The following MLLT10 variants were observed in gnomAD, a reference collection of about 807,000 sequenced individuals.
MLLT10 encodes the protein protein AF-10.
Under a neutral mutation model 129.1 loss-of-function variants are expected in MLLT10, and 30 were observed. That is an observed-to-expected ratio of 0.23 (90% CI 0.17 to 0.32). The LOEUF (loss-of-function observed/expected upper bound fraction) is 0.32. Ranked by LOEUF, MLLT10 falls within the 10% of genes least tolerant of loss-of-function variation. The probability of loss-of-function intolerance (pLI) is 1.00; values close to 1 mark genes in which losing one functional copy is unlikely to be tolerated. For missense variants in MLLT10, 1,119 were observed against 1,268.3 expected, an observed-to-expected ratio of 0.88 and a Z score of 1.79; for synonymous variants, 490 against 446.4, an observed-to-expected ratio of 1.10 and a Z score of -1.23.
At chr10:21,548,837 A>G (rs889994528) in intron 3 of MLLT10, among the ~76,000 whole-genome samples, 21 of 152,034 alleles carry the variant, frequency 1.4e-4, no homozygotes, top group African/African-American at 5.1e-4. Flanking sequence ...TTATTGTTTG[A>G]AGAATTATAT....
At chr10:21,662,268 G>A (rs1206001966) in intron 9 of MLLT10, among the ~76,000 whole-genome samples, 1 of 152,048 alleles carries the variant, frequency 6.6e-6, no homozygotes, top group African/African-American at 2.4e-5. Flanking sequence ...CCATTTATTC[G>A]AGGGGAAGTT....
At chr10:21,542,013 A>C (rs1254693126) in intron 3 of MLLT10, among the ~76,000 whole-genome samples, 2 of 152,082 alleles carry the variant, frequency 1.3e-5, no homozygotes, top group South Asian at 4.1e-4. Flanking sequence ...TTTGTGGTGA[A>C]TAGGTCACTA....
intron 8 of MLLT10, among the ~76,000 whole-genome samples, chr10:21,634,210 G>C (rs749589530): frequency 1.2e-4 from 18 of 152,160 alleles, no homozygotes; most frequent in Non-Finnish European, 5.9e-5. Context: ...CAGCCTGGGT[G>C]ACACAGCGAG....
intron 13 of MLLT10, among the ~76,000 whole-genome samples, chr10:21,693,585 GAT>G (rs926030335): frequency 4.6e-5 from 7 of 152,070 alleles, no homozygotes; most frequent in Non-Finnish European, 1.0e-4. Context: ...TTATTTTTGT[GAT>G]ATGTCTATGT....
At chr10:21,599,759 G>A (rs529954329) in intron 5 of MLLT10, among the ~76,000 whole-genome samples, 1 of 152,138 alleles carries the variant, frequency 6.6e-6, no homozygotes, top group Admixed American at 6.6e-5. Flanking sequence ...GTAGAGTTGA[G>A]GTTTCATAAT....
chr10:21,696,884 T>C (rs938954700), intron 13 of MLLT10, among the ~76,000 whole-genome samples: 107 of 152,236 alleles, frequency 7.0e-4, no homozygotes, highest in African/African-American at 2.5e-3. Flanking sequence ...AGTGATCTTA[T>C]AAAAACATAA....
chr10:21,680,223 T>A (rs183703346), intron 11 of MLLT10, among the ~76,000 whole-genome samples: 215 of 152,202 alleles, frequency 1.4e-3, no homozygotes, highest in Non-Finnish European at 2.0e-3. Flanking sequence ...TCTTTTCTTT[T>A]TTTTTGAGAC....
At chr10:21,706,572 CTTAG>C (rs1362977727) in intron 13 of MLLT10, among the ~76,000 whole-genome samples, 1 of 152,200 alleles carries the variant, frequency 6.6e-6, no homozygotes, top group Non-Finnish European at 1.5e-5. Context: ...TAATTACTTA[CTTAG>C]TTAAATATTT....
chr10:21,738,759 A>C (rs560105989), intron 21 of MLLT10, among the ~76,000 whole-genome samples: 24 of 152,244 alleles, frequency 1.6e-4, no homozygotes, highest in African/African-American at 5.1e-4. Context: ...AGCTTCCAGG[A>C]TACCACATCA....
intron 5 of MLLT10, among the ~76,000 whole-genome samples, chr10:21,610,984 C>CTTTTTTTT (rs71393913): frequency 1.9e-5 from 2 of 102,884 alleles, no homozygotes; most frequent in Non-Finnish European, 3.9e-5. Flanking sequence ...TCTTTTTTCT[C>CTTTTTTTT]TTTTTTTTTT....
intron 11 of MLLT10, among the ~76,000 whole-genome samples, chr10:21,679,310 G>A (rs182947691): frequency 6.6e-6 from 1 of 152,090 alleles, no homozygotes; most frequent in South Asian, 2.1e-4. Context: ...TTAGGCACGA[G>A]GTCTTTTGAA....
intron 8 of MLLT10, among the ~76,000 whole-genome samples, chr10:21,647,656 G>C (rs1303522213): frequency 6.6e-6 from 1 of 151,906 alleles, no homozygotes; most frequent in African/African-American, 2.4e-5. Flanking sequence ...TTTAATACTT[G>C]GGTTGCATGT....
intron 9 of MLLT10, among the ~76,000 whole-genome samples, chr10:21,659,685 A>G (rs1361530079): frequency 6.6e-6 from 1 of 151,674 alleles, no homozygotes. Flanking sequence ...TGATTCTTGT[A>G]TTTTTAGTAG....
intron 14 of MLLT10, among the ~76,000 whole-genome samples, chr10:21,714,937 C>T (rs1366427920): frequency 6.6e-6 from 1 of 152,108 alleles, no homozygotes; most frequent in Non-Finnish European, 1.5e-5. Flanking sequence ...CACCCCCCTT[C>T]CCCAAAGATA....
chr10:21,625,132 T>C (rs1489550611), intron 8 of MLLT10: 2 of 1,048,316 alleles, frequency 1.9e-6, no homozygotes, highest in African/African-American at 3.1e-5. Flanking sequence ...CAACCTCTAA[T>C]CGGAAGCGGC....
At chr10:21,725,802 G>C (rs889154939) in intron 14 of MLLT10, among the ~76,000 whole-genome samples, 1 of 148,668 alleles carries the variant, frequency 6.7e-6, no homozygotes, top group Non-Finnish European at 1.5e-5. Context: ...CCAGGCTGGA[G>C]TGCAGTGGCG....
At chr10:21,584,771 ATG>A (rs1167410823) in intron 3 of MLLT10, among the ~76,000 whole-genome samples, 1 of 151,498 alleles carries the variant, frequency 6.6e-6, no homozygotes, top group African/African-American at 2.4e-5. Flanking sequence ...TATATAAAGT[ATG>A]TGTGTATGTG....
intron 8 of MLLT10, among the ~76,000 whole-genome samples, chr10:21,645,832 C>A (rs1053697199): frequency 1.3e-5 from 2 of 152,160 alleles, no homozygotes; most frequent in Non-Finnish European, 2.9e-5. Flanking sequence ...TTTAAATAGT[C>A]CTATACCTGT....
chr10:21,559,915 C>G (rs1361689226), intron 3 of MLLT10, among the ~76,000 whole-genome samples: 2 of 151,946 alleles, frequency 1.3e-5, no homozygotes, highest in South Asian at 2.1e-4. Flanking sequence ...GAGCTGAACA[C>G]TGGTATTCTA....
Sources: allele counts gnomAD v4.1 joint callset (sites outside exome capture counted in the v4.1 genomes callset), GRCh38; gene constraint gnomAD v4.1.1; transcripts MANE v1.5; gene names NCBI Gene and HGNC (gene_info 2026-07-23, HGNC 2026-07-21).